Variants in RICTOR observed in about 807,000 individuals in gnomAD.
RICTOR encodes rapamycin-insensitive companion of mTOR.
A neutral mutation model predicts 214.9 loss-of-function variants in RICTOR; 49 were observed. That is an observed-to-expected ratio of 0.23 (90% CI 0.18 to 0.29). The LOEUF (loss-of-function observed/expected upper bound fraction) is 0.29. RICTOR is among the 10% of genes least tolerant of loss of function. The pLI, the probability that RICTOR is intolerant of heterozygous loss-of-function variation, is 1.00. For synonymous variants in RICTOR, 717 were observed against 711.3 expected (o/e 1.01, Z -0.13); for missense variants, 1,625 against 2,047.0 (o/e 0.79, Z 3.98).
At position 38,967,048 on chromosome 5, in the gene RICTOR, G is replaced by A. The variant is rs1341241896; in HGVS notation, c.1218+113C>T. 1.2e-5 allele frequency: 10 copies of A among 815,542 alleles called. No homozygotes were observed. The East Asian group carries it at 1.5e-4, about 12-fold the overall frequency. 50.5% of individuals were successfully genotyped at this position (815,542 alleles called of 1,614,324 possible). ...ACTCCTGGCCTGAAGTGATCCGCCT[G>A]CCTTGGCTTCTCAAAGTGTTGGGAT... On this transcript the variant is annotated intron_variant, in intron 14 of 37. Coordinates refer to ENST00000357387, the MANE Select transcript of RICTOR (RefSeq NM_152756.5).
chr5:39,013,048 T>C (rs1465147112), intron 3 of RICTOR, among the ~76,000 whole-genome samples: 2 of 152,196 alleles, frequency 1.3e-5, no homozygotes, highest in African/African-American at 4.8e-5. Flanking sequence ...AGTGGCAGCA[T>C]GTAATTGACA....
At chr5:38,969,156 C>T (rs1215595197) in intron 11 of RICTOR, among the ~76,000 whole-genome samples, 2 of 151,462 alleles carry the variant, frequency 1.3e-5, no homozygotes, top group African/African-American at 2.4e-5. Flanking sequence ...TTTTCAGTAG[C>T]GATGGGGGTT....
chr5:38,943,370 A>G (rs1747813687), intron 36 of RICTOR: 1 of 162,282 alleles, frequency 6.2e-6, no homozygotes, highest in Admixed American at 6.0e-5. Flanking sequence ...TTCAAATAGC[A>G]GCTTTTAGCT....
At chr5:38,967,753 A>T (rs940409503) in intron 12 of RICTOR, among the ~76,000 whole-genome samples, 190 bp downstream of exon 12, 26 of 152,182 alleles carry the variant, frequency 1.7e-4, no homozygotes, top group African/African-American at 6.0e-4. Context: ...AGCCAAGGTG[A>T]TAAAGAAGAA....
Position 39,065,319 on chromosome 5 carries a change from G to A in RICTOR, c.97+8792C>T, listed in dbSNP as rs182680775. 3.4e-3 allele frequency among the ~76,000 whole-genome samples: 514 copies of A among 152,206 alleles called. 5 individuals carry two copies. Among genetic ancestry groups the A allele is most frequent in the Non-Finnish European group, 5.0e-3 (339 of 68,012 alleles). On this transcript the variant is annotated intron_variant, in intron 2 of 37. Transcript: ENST00000357387. ...AGATGTTGTGAAAACCTACTATCAC[G>A]AAGACAGCACCAAGCCATGAGGGAT...
At chr5:38,972,570 C>A (rs1750873484) in intron 10 of RICTOR, among the ~76,000 whole-genome samples, 1 of 151,998 alleles carries the variant, frequency 6.6e-6, no homozygotes, top group Non-Finnish European at 1.5e-5. Flanking sequence ...TCAAAATATA[C>A]CTACTAGAAT....
At chr5:39,036,007 G>A (rs372579071) in intron 2 of RICTOR, among the ~76,000 whole-genome samples, 7 of 152,070 alleles carry the variant, frequency 4.6e-5, no homozygotes, top group Admixed American at 2.6e-4. Context: ...TCCAAGACAC[G>A]TAACTGTCAG....
intron 2 of RICTOR, among the ~76,000 whole-genome samples, chr5:39,032,397 C>T (rs1300484922): frequency 3.3e-5 from 5 of 152,142 alleles, no homozygotes; most frequent in Non-Finnish European, 7.4e-5. Context: ...CAATCAATTA[C>T]AATGGCAAGT....
At chr5:38,961,195 G>T (rs1016064041) in intron 19 of RICTOR, among the ~76,000 whole-genome samples, 3 of 151,928 alleles carry the variant, frequency 2.0e-5, no homozygotes, top group African/African-American at 7.3e-5. Context: ...GAGATGGTTA[G>T]AAAAAATAAA....
intron 2 of RICTOR, among the ~76,000 whole-genome samples, chr5:39,044,587 A>AT (rs1459418114): frequency 2.6e-5 from 4 of 152,156 alleles, no homozygotes; most frequent in African/African-American, 9.7e-5. Context: ...ATGAAATAAT[A>AT]TAATTTTCCA....
chr5:38,994,103 TG>T (rs1752982722), intron 6 of RICTOR, among the ~76,000 whole-genome samples: 1 of 151,990 alleles, frequency 6.6e-6, no homozygotes, highest in African/African-American at 2.4e-5. Flanking sequence ...GGCAGGAGAA[TG>T]GCTTGAACCC....
intron 2 of RICTOR, among the ~76,000 whole-genome samples, chr5:39,063,695 AG>A (rs761371593): frequency 2.0e-5 from 3 of 152,180 alleles, no homozygotes; most frequent in Non-Finnish European, 4.4e-5. Flanking sequence ...CCCTGAAGGA[AG>A]ATGTATGCCT....
In RICTOR at chr5:39,013,594, A is replaced by T. The variant is rs1025542595; in HGVS notation, c.195+7445T>A. Among the ~76,000 whole-genome samples the T allele has an allele frequency of 8.4e-4, 128 of 152,134 alleles. 1 individual carries two copies. The highest frequency in any genetic ancestry group is 8.2e-3 in the Admixed American group (125 of 15,268). On this transcript the variant is annotated intron_variant, in intron 3 of 37. Transcript: ENST00000357387. The stretch of plus-strand genomic sequence containing the variant: ...CTCCCATTTTACTTGTATTACTCTG[A>T]AGGTTAAATAGTTGTAAATAAGCAA...
intron 7 of RICTOR, among the ~76,000 whole-genome samples, chr5:38,990,616 CGATAT>C (rs1752566941): frequency 2.5e-5 from 2 of 78,968 alleles, no homozygotes; most frequent in Admixed American, 1.4e-4. Flanking sequence ...GATATATATA[CGATAT>C]ATGATATATA....
chr5:38,960,281 AAT>A, intron 20 of RICTOR, 115 bp downstream of exon 20: 1 of 1,009,476 alleles, frequency 9.9e-7, no homozygotes, highest in Non-Finnish European at 1.5e-6. Context: ...TATGTTTCCA[AAT>A]ACGGCTTATG....
At chr5:39,043,461 T>C (rs1011450333) in intron 2 of RICTOR, among the ~76,000 whole-genome samples, 7 of 150,884 alleles carry the variant, frequency 4.6e-5, no homozygotes, top group East Asian at 1.9e-4. Context: ...AGTAGAAGAG[T>C]GGAGGGTAGA....
intron 2 of RICTOR, among the ~76,000 whole-genome samples, chr5:39,050,940 A>C (rs1757793685): frequency 6.6e-6 from 1 of 152,142 alleles, no homozygotes; most frequent in South Asian, 2.1e-4. Context: ...GATAATCCCA[A>C]GTGTTGACAA....
At position 39,012,448 on chromosome 5, in the gene RICTOR, G is replaced by A. The variant is rs571370771; in HGVS notation, c.195+8591C>T. On this transcript the variant is annotated intron_variant, in intron 3 of 37. Transcript: ENST00000357387. ...CTCGGGCAGTTCTTTGCAGCAGTAT[G>A]AGAATGGACTAATATACTATGAAAG... 1.4e-3 allele frequency among the ~76,000 whole-genome samples: 218 copies of A among 152,242 alleles called. 2 individuals are homozygous for A. Among genetic ancestry groups the A allele is most frequent in the South Asian group, 9.5e-3 (46 of 4,822 alleles).
intron 3 of RICTOR, among the ~76,000 whole-genome samples, chr5:39,009,669 G>A (rs1055043773): frequency 6.6e-6 from 1 of 151,784 alleles, no homozygotes; most frequent in African/African-American, 2.4e-5. Flanking sequence ...TGTAGAAGAG[G>A]GCTTTAATCA....
Sources: gnomAD v4.1 joint callset for allele counts (sites outside exome capture counted in the v4.1 genomes callset) on GRCh38, gnomAD v4.1.1 for gene constraint, MANE v1.5 for transcripts, NCBI Gene and HGNC (gene_info 2026-07-23, HGNC 2026-07-21) for gene names.